The following FGF14 variants were observed in gnomAD, a reference collection of about 807,000 sequenced individuals.
The protein encoded by FGF14 is fibroblast growth factor 14, also known as fibroblast growth factor homologous factor 4.
FGF14 carries 5 observed loss-of-function variants against 25.5 expected under a neutral mutation model. That is an observed-to-expected ratio of 0.20 (90% CI 0.10 to 0.41). The LOEUF is 0.41. Ranked by LOEUF, FGF14 falls within the 10% of genes least tolerant of loss-of-function variation. FGF14 has a pLI of 1.00. For synonymous variants in FGF14, 138 were observed against 118.3 expected, an observed-to-expected ratio of 1.17 and a Z score of -1.08; for missense variants, 222 against 320.1, an observed-to-expected ratio of 0.69 and a Z score of 2.34.
chr13:101,979,911 G>A (rs1007457300), intron 1 of FGF14, among the ~76,000 whole-genome samples: 7 of 152,074 alleles, frequency 4.6e-5, no homozygotes, highest in African/African-American at 9.7e-5. Context: ...ATAAGGCATC[G>A]GAAATGCAAA....
At chr13:102,245,442 A>G (rs1252309773) in intron 1 of FGF14, among the ~76,000 whole-genome samples, 1 of 152,094 alleles carries the variant, frequency 6.6e-6, no homozygotes, top group Non-Finnish European at 1.5e-5. Flanking sequence ...TTTTATTTTC[A>G]TGACTGGGGC....
chr13:102,190,026 C>T (rs535845284), intron 1 of FGF14, among the ~76,000 whole-genome samples: 6 of 152,244 alleles, frequency 3.9e-5, no homozygotes, highest in East Asian at 3.9e-4. Flanking sequence ...CACATTTCAA[C>T]GAGATGTTGA....
At chr13:101,936,242 C>T (rs1050570593) in intron 1 of FGF14, among the ~76,000 whole-genome samples, 24 of 152,116 alleles carry the variant, frequency 1.6e-4, no homozygotes, top group African/African-American at 4.3e-4. Context: ...GCCTGACCCA[C>T]GAGGGTTGTG....
chr13:101,945,707 C>T (rs1348058162), intron 1 of FGF14, among the ~76,000 whole-genome samples: 3 of 152,222 alleles, frequency 2.0e-5, no homozygotes, highest in African/African-American at 7.2e-5. Flanking sequence ...ATCCTCATCC[C>T]TACCTCCCAC....
chr13:102,383,651 G>T (rs889439326), intron 1 of FGF14, among the ~76,000 whole-genome samples: 62 of 152,104 alleles, frequency 4.1e-4, no homozygotes, highest in Non-Finnish European at 6.8e-4. Flanking sequence ...AGAAAAAAGG[G>T]GAATGAGGAT....
intron 1 of FGF14, among the ~76,000 whole-genome samples, chr13:102,340,599 A>G (rs892786975): frequency 6.6e-6 from 1 of 152,208 alleles, no homozygotes; most frequent in Non-Finnish European, 1.5e-5. Flanking sequence ...TAACTATCAT[A>G]TTTCCTGATT....
intron 1 of FGF14, among the ~76,000 whole-genome samples, chr13:102,092,798 CCCT>C (rs1318476820): frequency 6.6e-6 from 1 of 152,018 alleles, no homozygotes; most frequent in East Asian, 1.9e-4. Context: ...CCCTGGAGCA[CCCT>C]AACACAAGAC....
intron 1 of FGF14, among the ~76,000 whole-genome samples, chr13:102,212,876 G>A (rs903574214): frequency 2.0e-5 from 3 of 152,078 alleles, no homozygotes; most frequent in African/African-American, 7.2e-5. Context: ...TTGTCACCAG[G>A]CTGCATGTTG....
intron 1 of FGF14, among the ~76,000 whole-genome samples, chr13:102,074,517 T>G (rs2043282466): frequency 6.6e-6 from 1 of 152,178 alleles, no homozygotes; most frequent in Non-Finnish European, 1.5e-5. Context: ...AACACAACTG[T>G]AAACAAGATA....
intron 1 of FGF14, among the ~76,000 whole-genome samples, chr13:102,143,830 G>T (rs908121038): frequency 2.0e-5 from 3 of 152,088 alleles, no homozygotes; most frequent in African/African-American, 7.2e-5. Context: ...AGAGCCTGGG[G>T]GATGTTTGTA....
intron 1 of FGF14, among the ~76,000 whole-genome samples, chr13:102,111,059 C>T (rs1251700535): frequency 6.6e-6 from 1 of 152,108 alleles, no homozygotes; most frequent in Non-Finnish European, 1.5e-5. Flanking sequence ...GCCTCTTCTA[C>T]CACCTAAGTC....
chr13:102,041,942 G>C (rs1363362940), intron 1 of FGF14, among the ~76,000 whole-genome samples: 1 of 152,094 alleles, frequency 6.6e-6, no homozygotes, highest in East Asian at 1.9e-4. Flanking sequence ...CATTGCTTGA[G>C]AATGCACATC....
chr13:101,952,566 T>C (rs930783898), intron 1 of FGF14, among the ~76,000 whole-genome samples: 1 of 152,202 alleles, frequency 6.6e-6, no homozygotes, highest in African/African-American at 2.4e-5. Context: ...GCTGTTTCCA[T>C]AGGTAGTTAA....
chr13:102,346,875 C>T (rs2057122563), intron 1 of FGF14, among the ~76,000 whole-genome samples: 1 of 152,132 alleles, frequency 6.6e-6, no homozygotes, highest in Admixed American at 6.6e-5. Context: ...CAATATGACA[C>T]AGGTGCTACA....
chr13:102,035,353 G>A (rs1450927827), intron 1 of FGF14, among the ~76,000 whole-genome samples: 3 of 152,078 alleles, frequency 2.0e-5, no homozygotes, highest in African/African-American at 7.2e-5. Flanking sequence ...AAGAAGCCAG[G>A]TAGCTTTATT....
intron 1 of FGF14, among the ~76,000 whole-genome samples, chr13:102,152,016 C>A (rs1286524199): frequency 1.3e-5 from 2 of 152,164 alleles, no homozygotes; most frequent in Non-Finnish European, 2.9e-5. Context: ...ACAAGGCTCA[C>A]AGGGTGTTCA....
intron 4 of FGF14, among the ~76,000 whole-genome samples, chr13:101,724,868 C>CAT (rs199501097): frequency 5.0e-4 from 75 of 150,938 alleles, no homozygotes; most frequent in African/African-American, 1.0e-3. Context: ...CTCTCTTTCT[C>CAT]ATATATATAT....
At chr13:101,828,572 GA>G (rs1261773404) in intron 3 of FGF14, among the ~76,000 whole-genome samples, 1 of 151,156 alleles carries the variant, frequency 6.6e-6, no homozygotes, top group African/African-American at 2.4e-5. Context: ...ATTGAAGACT[GA>G]AAAGGCATCC....
chr13:101,813,915 C>T (rs879571099), intron 3 of FGF14, among the ~76,000 whole-genome samples: 1 of 152,116 alleles, frequency 6.6e-6, no homozygotes, highest in African/African-American at 2.4e-5. Flanking sequence ...ATGTAAATGA[C>T]CACTGAAAGT....
Sources: allele counts gnomAD v4.1 joint callset (sites outside exome capture counted in the v4.1 genomes callset), GRCh38; gene constraint gnomAD v4.1.1; transcripts MANE v1.5; gene names NCBI Gene and HGNC (gene_info 2026-07-23, HGNC 2026-07-21).